The following PCDH7 variants were observed in gnomAD, a reference collection of about 807,000 sequenced individuals.
PCDH7 encodes the protein protocadherin-7.
Under a neutral mutation model 58.9 loss-of-function variants are expected in PCDH7, and 17 were observed. The observed-to-expected ratio is 0.29, with a 90% confidence interval of 0.20 to 0.43. PCDH7 has a LOEUF of 0.43. Among genes scored for constraint, PCDH7 ranks in the 20% least tolerant of loss-of-function variants. PCDH7 has a pLI of 1.00. For missense variants in PCDH7, 1,274 were observed against 1,441.0 expected, an observed-to-expected ratio of 0.88 and a Z score of 1.88; for synonymous variants, 664 against 616.4, an observed-to-expected ratio of 1.08 and a Z score of -1.14.
intron 3 of PCDH7, among the ~76,000 whole-genome samples, chr4:31,012,683 G>T (rs373535137): frequency 2.0e-5 from 3 of 150,540 alleles, no homozygotes; most frequent in African/African-American, 7.2e-5. Flanking sequence ...TATCTTACTA[G>T]AAAACAGAGA....
chr4:30,883,556 A>G (rs577843524), intron 1 of PCDH7, among the ~76,000 whole-genome samples: 101 of 152,292 alleles, frequency 6.6e-4, no homozygotes, highest in African/African-American at 2.4e-3. Flanking sequence ...TGGCAACCCC[A>G]AAGACCCATG....
At chr4:30,856,772 T>C (rs577977405) in intron 1 of PCDH7, among the ~76,000 whole-genome samples, 139 of 151,556 alleles carry the variant, frequency 9.2e-4, no homozygotes, top group African/African-American at 3.2e-3. Context: ...CAAATAAGAT[T>C]GCAAACAGAG....
At chr4:30,801,301 C>T (rs766376779) in intron 1 of PCDH7, among the ~76,000 whole-genome samples, 1 of 152,124 alleles carries the variant, frequency 6.6e-6, no homozygotes, top group Non-Finnish European at 1.5e-5. Flanking sequence ...AATTTATTTA[C>T]ACTTAGTGAT....
chr4:31,121,593 T>C lies in PCDH7; in HGVS notation c.*8-20880T>C, dbSNP rs147689986. 1.2e-4 allele frequency among the ~76,000 whole-genome samples: 19 copies of C among 152,308 alleles called. No individual in the cohort carries two copies. The East Asian group carries it at 3.7e-3, about 29-fold the overall frequency. On this transcript the variant is annotated intron_variant, in intron 3 of 3. Coordinates refer to the PCDH7 transcript ENST00000509759. ...CTTTTTATATACAATCAGGAAAATATGATTACTAGTTGAGAATTTGTAGTT... is the reference window on the plus strand; with the variant it reads ...CTTTTTATATACAATCAGGAAAATACGATTACTAGTTGAGAATTTGTAGTT...
intron 1 of PCDH7, among the ~76,000 whole-genome samples, chr4:30,763,348 A>G (rs147942586): frequency 6.6e-6 from 1 of 152,368 alleles, no homozygotes; most frequent in African/African-American, 2.4e-5. Flanking sequence ...ACATATTGCT[A>G]TAAAGTCTAA....
intron 1 of PCDH7, among the ~76,000 whole-genome samples, chr4:30,820,962 TA>T (rs548052748): frequency 6.6e-5 from 10 of 152,110 alleles, no homozygotes; most frequent in Middle Eastern, 3.4e-3. Flanking sequence ...GTGCCTCATT[TA>T]AAAAAAATGA....
intron 3 of PCDH7, among the ~76,000 whole-genome samples, chr4:31,123,983 T>C (rs1214064359): frequency 1.3e-5 from 2 of 152,170 alleles, no homozygotes; most frequent in African/African-American, 4.8e-5. Flanking sequence ...ATGCTTCTTC[T>C]CTTCTTTCCT....
chr4:30,938,221 T>G (rs557102025), intron 2 of PCDH7, among the ~76,000 whole-genome samples: 71 of 152,208 alleles, frequency 4.7e-4, no homozygotes, highest in Admixed American at 7.2e-4. Context: ...CTAAACGAAG[T>G]TTACTGCCAT....
chr4:30,929,091 A>C (rs1744242111), intron 2 of PCDH7, among the ~76,000 whole-genome samples: 1 of 152,184 alleles, frequency 6.6e-6, no homozygotes, highest in Non-Finnish European at 1.5e-5. Context: ...AAGGCCTTTC[A>C]AACTCAATAA....
chr4:30,821,363 C>T (rs1278371278), intron 1 of PCDH7, among the ~76,000 whole-genome samples: 1 of 152,218 alleles, frequency 6.6e-6, no homozygotes, highest in African/African-American at 2.4e-5. Flanking sequence ...GAACCAACAT[C>T]ATGCAGAGGA....
At chr4:30,840,053 T>C (rs1280340947) in intron 1 of PCDH7, among the ~76,000 whole-genome samples, 1 of 151,496 alleles carries the variant, frequency 6.6e-6, no homozygotes, top group Non-Finnish European at 1.5e-5. Flanking sequence ...TGTGTGTGTG[T>C]GGTTTTGTAA....
chr4:31,116,203 T>C (rs571087553), intron 3 of PCDH7, among the ~76,000 whole-genome samples: 40 of 152,296 alleles, frequency 2.6e-4, no homozygotes, highest in Non-Finnish European at 5.0e-4. Context: ...TCAGTCTTTG[T>C]TGAGTTCCTG....
chr4:30,973,849 A>T (rs1749815301), intron 3 of PCDH7, among the ~76,000 whole-genome samples: 1 of 152,168 alleles, frequency 6.6e-6, no homozygotes, highest in African/African-American at 2.4e-5. Flanking sequence ...TTTCTTTCAA[A>T]AAAGAAAAAA....
chr4:31,103,637 CTT>C (rs1715182649), intron 3 of PCDH7, among the ~76,000 whole-genome samples: 1 of 152,106 alleles, frequency 6.6e-6, no homozygotes. Context: ...CAATTTCTGT[CTT>C]TAAAAATGTT....
intron 3 of PCDH7, among the ~76,000 whole-genome samples, chr4:31,141,828 A>G (rs1245683735): frequency 6.6e-6 from 1 of 150,886 alleles, no homozygotes; most frequent in East Asian, 2.0e-4. Context: ...GAGGGGGGTG[A>G]GGGGATGTGG....
At position 30,721,232 on chromosome 4, in the gene PCDH7, T is replaced by A; in HGVS notation, c.-191T>A. On this transcript the variant is annotated 5_prime_UTR_variant, in exon 1 of 2. An upstream open reading frame in the 5' UTR gains an earlier in-frame stop. Transcript: ENST00000361762. The surrounding 1 kb of genome is among the most constrained non-coding windows in gnomAD (Gnocchi z 6.7). ...GCAGGAGGAAAAAAAGAAGCATCTA[T>A]CGCTGCCCTCCCACCCCCATTCCCG... is the stretch of plus-strand genomic sequence containing the variant. The A allele has an allele frequency of 1.8e-6, 1 of 552,164 alleles. No individual in the cohort carries two copies. Among genetic ancestry groups the A allele is most frequent in the South Asian group, 2.5e-5 (1 of 39,238 alleles). The allele number at this position is 552,164 out of a possible 1,614,324, so 34.2% of individuals were successfully genotyped here. A position where few individuals can be genotyped will look rare whatever the true frequency, so the allele number is the denominator to read the frequency against.
intron 1 of PCDH7, among the ~76,000 whole-genome samples, chr4:30,865,867 G>A (rs537190412): frequency 1.3e-5 from 2 of 152,110 alleles, no homozygotes; most frequent in African/African-American, 4.8e-5. Flanking sequence ...ATCACATTTG[G>A]CACGGAAATC....
At chr4:30,729,992 A>T (rs9918044) in intron 1 of PCDH7, among the ~76,000 whole-genome samples, 17 of 151,750 alleles carry the variant, frequency 1.1e-4, no homozygotes, top group Admixed American at 8.5e-4. Context: ...AACTAAATAT[A>T]GTGTGACAAA....
intron 3 of PCDH7, among the ~76,000 whole-genome samples, chr4:31,052,318 G>T (rs1220772548): frequency 6.6e-6 from 1 of 152,076 alleles, no homozygotes; most frequent in Non-Finnish European, 1.5e-5. Flanking sequence ...CAAACTTTAA[G>T]TAGTAATATC....
Sources: gnomAD v4.1 joint callset for allele counts (sites outside exome capture counted in the v4.1 genomes callset) on GRCh38, gnomAD v4.1.1 for gene constraint, Gnocchi (gnomAD v3.1) non-coding constraint, MANE v1.5 for transcripts, NCBI Gene and HGNC (gene_info 2026-07-23, HGNC 2026-07-21) for gene names.